Variants in ZNF157 observed in about 807,000 individuals in gnomAD.
ZNF157 encodes the protein zinc finger protein 157, also known as zinc finger protein 22.
A neutral mutation model predicts 9.4 loss-of-function variants in ZNF157; 8 were observed. That is an observed-to-expected ratio of 0.85 (90% CI 0.50 to 1.53). ZNF157 has a LOEUF of 1.53. ZNF157 is among the 40% of genes most tolerant of loss of function. The pLI is 0.00. For missense variants in ZNF157, 316 were observed against 385.2 expected, an observed-to-expected ratio of 0.82 and a Z score of 1.50; for synonymous variants, 120 against 130.8, an observed-to-expected ratio of 0.92 and a Z score of 0.56.
chrX:47,412,374 C>T lies in ZNF157; in HGVS notation c.301C>T (p.Leu101Phe). 1 of 1,186,147 alleles carries T rather than the reference C, an allele frequency of 8.4e-7. No individual in the cohort carries two copies. The highest frequency in any genetic ancestry group is 1.1e-6 in the Non-Finnish European group (1 of 880,574). ...ESSGHGYSGS[L>F]SLLCGNGSVG... ...GCTGTGATTTATTTTTAAAGGATCT[C>T]TCTCACTGCTGTGTGGCAATGGTTC... Residue 101 changes from leucine to phenylalanine, a missense_variant, in exon 4 of 4, where the codon CTC (leucine) becomes TTC (phenylalanine). Around this residue, in one of 3 missense-constraint regions of ZNF157, gnomAD observed 146 missense variants for 183.8 expected, o/e 0.79. Coordinates refer to ENST00000377073, the MANE Select transcript of ZNF157 (RefSeq NM_003446.4).
chrX:47,373,671 C>T (rs778569727), intron 1 of ZNF157, among the ~76,000 whole-genome samples: 1 of 107,724 alleles, frequency 9.3e-6, no homozygotes, highest in Non-Finnish European at 1.9e-5. Context: ...TGGAGCAACT[C>T]CTTTTCCCTA....
chrX:47,412,455 C>T lies in ZNF157; in HGVS notation c.382C>T (p.Gln128Ter). 1 of 1,211,728 alleles carries T rather than the reference C, an allele frequency of 8.3e-7. No homozygotes were observed. Among genetic ancestry groups the T allele is most frequent in the Non-Finnish European group, 1.1e-6 (1 of 895,382 alleles). Residue 128 changes from glutamine to a stop codon, truncating the protein, a stop_gained, in exon 4 of 4, where the codon CAA becomes TAA. Coordinates refer to ENST00000377073, the MANE Select transcript of ZNF157 (RefSeq NM_003446.4). LOFTEE classifies it low-confidence loss of function (END_TRUNC). ...DNDLLHHQKI[Q>*]TLDQNVEYNG... ...TGACCTTCTTCACCATCAGAAGATT[C>T]AAACATTGGATCAAAATGTTGAATA...
At position 47,377,885 on chromosome X, in the gene ZNF157, A is replaced by T. The variant is rs188088131; in HGVS notation, c.72+7145A>T. On this transcript the variant is annotated intron_variant, in intron 1 of 3. Coordinates refer to ENST00000377073, the MANE Select transcript of ZNF157 (RefSeq NM_003446.4). ...GTCTTTGATGAGGTCATCTTTTCAGATCTTTTGCCCACTTTTTAATTGAGT... is the reference window on the plus strand; with the variant it reads ...GTCTTTGATGAGGTCATCTTTTCAGTTCTTTTGCCCACTTTTTAATTGAGT... 1.1e-3 allele frequency among the ~76,000 whole-genome samples: 121 copies of T among 110,097 alleles called. No homozygotes were observed. In the Middle Eastern group the frequency reaches 0.014, roughly 13 times the overall value.
intron 1 of ZNF157, among the ~76,000 whole-genome samples, chrX:47,402,478 G>A (rs1197449123): frequency 1.8e-5 from 2 of 108,914 alleles, no homozygotes; most frequent in Admixed American, 2.0e-4. Context: ...TTTCATTCTT[G>A]TAGTTTTCGG....
chrX:47,387,886 C>CA (rs781763726), intron 1 of ZNF157, among the ~76,000 whole-genome samples: 18,460 of 34,440 alleles, frequency 0.54, 5,757 homozygotes, highest in East Asian at 0.77. Flanking sequence ...GACTCTGTCT[C>CA]AAAAAAAAAA....
At chrX:47,383,684 GA>G (rs11324804) in intron 1 of ZNF157, among the ~76,000 whole-genome samples, 13,760 of 41,559 alleles carry the variant, frequency 0.33, 1,309 homozygotes, top group South Asian at 0.37. Context: ...CTCTGTCTCA[GA>G]AAAAAAAAAA....
chrX:47,372,315 C>G (rs1008099745), intron 1 of ZNF157, among the ~76,000 whole-genome samples: 11 of 108,493 alleles, frequency 1.0e-4, no homozygotes, highest in African/African-American at 3.0e-4. Context: ...ATCAATCATG[C>G]CTACATAATG....
chrX:47,396,513 T>C (rs2055913875), intron 1 of ZNF157, among the ~76,000 whole-genome samples: 1 of 110,525 alleles, frequency 9.0e-6, no homozygotes, highest in African/African-American at 3.3e-5. Context: ...CACTCCAACC[T>C]GGGCAACAAG....
chrX:47,387,283 C>T (rs1024410734), intron 1 of ZNF157, among the ~76,000 whole-genome samples: 1 of 110,695 alleles, frequency 9.0e-6, no homozygotes, highest in African/African-American at 3.3e-5. Context: ...ACCACCATGC[C>T]CGGCTAGTTT....
chrX:47,371,665 T>TA (rs1051780041), intron 1 of ZNF157, among the ~76,000 whole-genome samples: 1 of 111,542 alleles, frequency 9.0e-6, no homozygotes, highest in African/African-American at 3.3e-5. Flanking sequence ...TGGACTGCAA[T>TA]GGCGTGATCT....
intron 1 of ZNF157, among the ~76,000 whole-genome samples, chrX:47,400,934 G>A (rs1403477244): frequency 1.8e-5 from 2 of 111,807 alleles, no homozygotes; most frequent in South Asian, 3.7e-4. Flanking sequence ...TGGGACTATA[G>A]GCATGAGACC....
intron 1 of ZNF157, among the ~76,000 whole-genome samples, chrX:47,397,772 CCTT>C (rs2055918292): frequency 9.0e-6 from 1 of 110,614 alleles, no homozygotes; most frequent in African/African-American, 3.3e-5. Flanking sequence ...ACAGCAACTC[CCTT>C]CTTTTCCTGT....
chrX:47,380,037 G>C lies in ZNF157; in HGVS notation c.72+9297G>C, dbSNP rs185520816. On this transcript the variant is annotated intron_variant, in intron 1 of 3. Transcript: ENST00000377073. ...TTTTTGCCTTTCCATATAAACTTTA[G>C]AATCAGTTTGTTGATAGCCACAAAA... 4.5e-5 allele frequency among the ~76,000 whole-genome samples: 5 copies of C among 110,415 alleles called. No individual in the cohort carries two copies. The East Asian group carries it at 1.4e-3, about 31-fold the overall frequency.
chrX:47,384,632 C>G (rs1173660930), intron 1 of ZNF157, among the ~76,000 whole-genome samples: 1 of 112,299 alleles, frequency 8.9e-6, no homozygotes. Context: ...ACCTGGGGTG[C>G]CGCACAGACA....
intron 1 of ZNF157, among the ~76,000 whole-genome samples, chrX:47,406,396 CAG>C (rs1428355125): frequency 1.8e-5 from 2 of 109,427 alleles, no homozygotes; most frequent in Non-Finnish European, 3.8e-5. Context: ...TTTTTTGAGA[CAG>C]AGTCTCACTC....
intron 1 of ZNF157, among the ~76,000 whole-genome samples, chrX:47,397,976 G>C (rs2055918928): frequency 9.1e-6 from 1 of 110,394 alleles, no homozygotes; most frequent in African/African-American, 3.3e-5. Flanking sequence ...GTAATAGTGA[G>C]TAGTGCCATT....
At chrX:47,404,751 ATTATTC>A (rs1217967599) in intron 1 of ZNF157, among the ~76,000 whole-genome samples, 1 of 110,632 alleles carries the variant, frequency 9.0e-6, no homozygotes, top group Non-Finnish European at 1.9e-5. Context: ...TGCCCTGGAT[ATTATTC>A]TTATTCTCTA....
intron 1 of ZNF157, among the ~76,000 whole-genome samples, chrX:47,387,208 C>T (rs981100796): frequency 5.5e-5 from 6 of 109,524 alleles, no homozygotes; most frequent in Admixed American, 2.9e-4. Context: ...CTGCAACCTC[C>T]GCCTCCCGGA....
chrX:47,411,487 T>C (rs1286237739), intron 3 of ZNF157, among the ~76,000 whole-genome samples: 2 of 110,263 alleles, frequency 1.8e-5, no homozygotes, highest in Non-Finnish European at 3.8e-5. Flanking sequence ...CCCTAGTAGC[T>C]GGGACTACAG....
Sources: allele counts gnomAD v4.1 joint callset (sites outside exome capture counted in the v4.1 genomes callset), GRCh38; gene constraint gnomAD v4.1.1; regional missense constraint gnomAD v4.1.1; transcripts MANE v1.5; gene names NCBI Gene and HGNC (gene_info 2026-07-23, HGNC 2026-07-21).